Variants in ANXA8 observed in about 807,000 individuals in gnomAD.
ANXA8 encodes the protein annexin A8.
ANXA8 carries 9 observed loss-of-function variants against 26.8 expected under a neutral mutation model. The ratio of observed to expected loss-of-function variants is 0.34; its 90% CI spans 0.20 to 0.59. The LOEUF is 0.59. Among genes scored for constraint, ANXA8 ranks in the 20% least tolerant of loss-of-function variants. ANXA8 has a pLI of 0.84. For synonymous variants in ANXA8, 39 were observed against 94.8 expected, an observed-to-expected ratio of 0.41 and a Z score of 3.42; for missense variants, 83 against 238.5, an observed-to-expected ratio of 0.35 and a Z score of 4.29.
chr10:47,520,838 TAAAAAAAAA>T, the ANXA8 span, among the ~76,000 whole-genome samples: 1 of 89,364 alleles, frequency 1.1e-5, no homozygotes, highest in African/African-American at 5.2e-5. Flanking sequence ...CTCCTTTATT[TAAAAAAAAA>T]AAAAAAAAAA....
At chr10:47,497,544 G>A in the ANXA8 span, among the ~76,000 whole-genome samples, 143 of 148,554 alleles carry the variant, frequency 9.6e-4, no homozygotes, top group African/African-American at 3.4e-3. Context: ...GCTTGAACAC[G>A]GGAGGTGGAG....
chr10:47,742,852 T>A, the ANXA8 span, among the ~76,000 whole-genome samples: 1 of 140,668 alleles, frequency 7.1e-6, no homozygotes, highest in Non-Finnish European at 1.5e-5. Context: ...TCCCCTGAAT[T>A]GACTTATAAA....
chr10:47,508,882 A>ATGAG, the ANXA8 span, among the ~76,000 whole-genome samples: 8 of 120,366 alleles, frequency 6.6e-5, no homozygotes, highest in Non-Finnish European at 9.7e-5. Flanking sequence ...ATTTTGAAAA[A>ATGAG]AACCTTGCAT....
the ANXA8 span, among the ~76,000 whole-genome samples, chr10:47,733,187 T>TTCTTTCTTTCTTTCTCTCTCTCTCTC: frequency 3.1e-4 from 29 of 94,300 alleles, no homozygotes; most frequent in Non-Finnish European, 5.2e-4. Flanking sequence ...CTTTCTTTCT[T>TTCTTTCTTTCTTTCTCTCTCTCTCTC]TCTTTCTTTC....
At chr10:47,700,163 TG>T in the ANXA8 span, among the ~76,000 whole-genome samples, 1 of 151,896 alleles carries the variant, frequency 6.6e-6, no homozygotes, top group African/African-American at 2.4e-5. Flanking sequence ...AAAGCTCATA[TG>T]GGAAAACAGA....
chr10:47,659,400 C>A, the ANXA8 span, among the ~76,000 whole-genome samples: 4 of 151,610 alleles, frequency 2.6e-5, no homozygotes, highest in Non-Finnish European at 5.9e-5. Flanking sequence ...GTGTTTTAGG[C>A]CGGGCGCGGT....
chr10:47,510,122 T>C, the ANXA8 span: 3 of 1,230,128 alleles, frequency 2.4e-6, 1 homozygote, highest in African/African-American at 3.5e-5. Context: ...ATGGCTGAAA[T>C]AATTTCCGAA....
the ANXA8 span, chr10:47,502,090 G>A: frequency 2.7e-3 from 4,298 of 1,567,890 alleles, 183 homozygotes; most frequent in African/African-American, 0.046. Context: ...CGCACTCGTC[G>A]GGGCAGCCGT....
At chr10:47,682,636 A>AT in the ANXA8 span, among the ~76,000 whole-genome samples, 1 of 151,218 alleles carries the variant, frequency 6.6e-6, no homozygotes, top group African/African-American at 2.4e-5. Context: ...TGCCTGGCAA[A>AT]TTTTTTGTGT....
At chr10:47,776,877 T>C in the ANXA8 span, among the ~76,000 whole-genome samples, 28,999 of 149,962 alleles carry the variant, frequency 0.19, 2,717 homozygotes, top group East Asian at 0.45. Flanking sequence ...GGTTTTTTTT[T>C]CCCCATCTTG....
chr10:47,501,224 T>G, the ANXA8 span, among the ~76,000 whole-genome samples: 2 of 136,168 alleles, frequency 1.5e-5, no homozygotes, highest in African/African-American at 5.5e-5. Context: ...TTTTTTGTAT[T>G]TTTTAGTAGA....
chr10:47,468,450 C>T lies in ANXA8; in HGVS notation c.*397G>A, dbSNP rs1839177852. 3.3e-6 allele frequency: 1 copy of T among 302,818 alleles called. No individual in the cohort carries two copies. The highest frequency in any genetic ancestry group is 5.9e-6 in the Non-Finnish European group (1 of 169,910). 18.8% of individuals were successfully genotyped at this position (302,818 alleles called of 1,614,324 possible). A position where few individuals can be genotyped will look rare whatever the true frequency, so the allele number is the denominator to read the frequency against. Reference sequence around the variant, plus strand: ...TAAAAACCCATATTCCCTGGCCCCTCTTGTGGAGACCCTGTTTCAGTAGAT... The same window carrying T: ...TAAAAACCCATATTCCCTGGCCCCTTTTGTGGAGACCCTGTTTCAGTAGAT... On this transcript the variant is annotated 3_prime_UTR_variant, in exon 12 of 12. Transcript: ENST00000585281.
the ANXA8 span, among the ~76,000 whole-genome samples, chr10:47,945,368 G>A: frequency 2.0e-5 from 3 of 150,614 alleles, no homozygotes; most frequent in Non-Finnish European, 4.4e-5. Context: ...GGGCTCACGG[G>A]AAAACCCCTC....
chr10:47,497,849 G>T, the ANXA8 span, among the ~76,000 whole-genome samples: 1 of 151,746 alleles, frequency 6.6e-6, no homozygotes, highest in Non-Finnish European at 1.5e-5. Flanking sequence ...TGAGGCAGGA[G>T]AATCACTTGA....
At chr10:47,982,834 A>ATATATATATATATATAT in the ANXA8 span, among the ~76,000 whole-genome samples, 170 of 67,516 alleles carry the variant, frequency 2.5e-3, no homozygotes, top group Non-Finnish European at 3.5e-3. Flanking sequence ...ATATATATAT[A>ATATATATATATATATAT]AAATTTGATA....
At chr10:47,940,097 T>A in the ANXA8 span, among the ~76,000 whole-genome samples, 1 of 151,340 alleles carries the variant, frequency 6.6e-6, no homozygotes, top group African/African-American at 2.4e-5. Flanking sequence ...TCTGAAAACT[T>A]TTCCTGGCTC....
At chr10:47,975,513 C>T in the ANXA8 span, among the ~76,000 whole-genome samples, 1 of 149,032 alleles carries the variant, frequency 6.7e-6, no homozygotes, top group Non-Finnish European at 1.5e-5. Flanking sequence ...TATCAGTATG[C>T]CATACTGTTC....
the ANXA8 span, chr10:47,726,815 G>T: frequency 1.7e-6 from 2 of 1,165,896 alleles, no homozygotes; most frequent in Non-Finnish European, 2.6e-6. Flanking sequence ...CTTTTTGAAG[G>T]TCGTGTGTTG....
chr10:47,947,981 G>T, the ANXA8 span, among the ~76,000 whole-genome samples: 1 of 150,934 alleles, frequency 6.6e-6, no homozygotes, highest in Non-Finnish European at 1.5e-5. Flanking sequence ...CAGCCAGAGT[G>T]GAGCGTCCTT....
Sources: allele counts gnomAD v4.1 joint callset (sites outside exome capture counted in the v4.1 genomes callset), GRCh38; gene constraint gnomAD v4.1.1; transcripts MANE v1.5; gene names NCBI Gene and HGNC (gene_info 2026-07-23, HGNC 2026-07-21).